Variants in CCSER1 observed in about 807,000 individuals in gnomAD.
The protein encoded by CCSER1 is coiled-coil serine rich protein 1.
In CCSER1, 41 loss-of-function variants were observed where a neutral mutation model predicts 82.0. That is an observed-to-expected ratio of 0.50 (90% CI 0.39 to 0.65). The LOEUF (loss-of-function observed/expected upper bound fraction) is 0.65. Among genes scored for constraint, CCSER1 ranks in the 30% least tolerant of loss-of-function variants. CCSER1 has a pLI of 0.00. For missense variants in CCSER1, 1,119 were observed against 1,064.2 expected (o/e 1.05, Z -0.72); for synonymous variants, 414 against 383.9 (o/e 1.08, Z -0.92).
intron 6 of CCSER1, among the ~76,000 whole-genome samples, chr4:90,697,731 C>T (rs1323834011): frequency 2.0e-5 from 3 of 151,980 alleles, no homozygotes; most frequent in Non-Finnish European, 4.4e-5. Flanking sequence ...TAATAAAAGG[C>T]GTATGAAAGG....
intron 7 of CCSER1, among the ~76,000 whole-genome samples, chr4:90,787,167 T>C (rs1396641677): frequency 1.3e-5 from 2 of 152,222 alleles, no homozygotes; most frequent in African/African-American, 2.4e-5. Context: ...TGGATTTTTA[T>C]GGAAGCATTC....
intron 4 of CCSER1, among the ~76,000 whole-genome samples, chr4:90,444,001 G>A (rs182646765): frequency 2.0e-5 from 3 of 152,088 alleles, no homozygotes; most frequent in Admixed American, 1.3e-4. Flanking sequence ...TAAATATTAT[G>A]TAGGGTGTAG....
intron 10 of CCSER1, among the ~76,000 whole-genome samples, chr4:91,482,072 T>A (rs954833305): frequency 2.6e-5 from 4 of 152,030 alleles, no homozygotes; most frequent in Non-Finnish European, 5.9e-5. Context: ...CATGATGAGA[T>A]ACCATCTCAC....
chr4:90,348,661 AT>A (rs1200295923), intron 3 of CCSER1, among the ~76,000 whole-genome samples: 1 of 152,170 alleles, frequency 6.6e-6, no homozygotes, highest in Admixed American at 6.5e-5. Context: ...ATGTACACTG[AT>A]TAAATGAAAG....
intron 3 of CCSER1, among the ~76,000 whole-genome samples, chr4:90,321,125 A>G (rs903602166): frequency 2.0e-5 from 3 of 152,048 alleles, no homozygotes; most frequent in African/African-American, 4.8e-5. Flanking sequence ...TTTTTTCACT[A>G]TAGTTACCCT....
intron 9 of CCSER1, among the ~76,000 whole-genome samples, chr4:90,958,373 G>A (rs112403364): frequency 8.5e-5 from 13 of 152,266 alleles, no homozygotes; most frequent in African/African-American, 2.4e-4. Flanking sequence ...ATAGCTCTCA[G>A]GTTTCAAACT....
intron 3 of CCSER1, among the ~76,000 whole-genome samples, chr4:90,337,261 A>C (rs796095287): frequency 6.6e-6 from 1 of 152,212 alleles, no homozygotes; most frequent in South Asian, 2.1e-4. Flanking sequence ...TTTGCTCTAC[A>C]TCAGGGCAAG....
intron 10 of CCSER1, among the ~76,000 whole-genome samples, chr4:91,408,509 A>G (rs1752838866): frequency 6.6e-6 from 1 of 152,156 alleles, no homozygotes; most frequent in African/African-American, 2.4e-5. Flanking sequence ...ATCATTTCCT[A>G]TTTTTAATAC....
chr4:90,472,966 C>T (rs1425379976), intron 5 of CCSER1, among the ~76,000 whole-genome samples: 1 of 152,100 alleles, frequency 6.6e-6, no homozygotes, highest in Non-Finnish European at 1.5e-5. Flanking sequence ...ACCACATATC[C>T]ATACGTAATA....
chr4:90,954,864 A>G (rs914728647), intron 9 of CCSER1, among the ~76,000 whole-genome samples: 3 of 152,126 alleles, frequency 2.0e-5, no homozygotes, highest in Non-Finnish European at 4.4e-5. Flanking sequence ...CTCTTCATAC[A>G]TACCCACTTA....
chr4:90,606,384 A>G (rs1448345738), intron 5 of CCSER1, among the ~76,000 whole-genome samples: 1 of 152,192 alleles, frequency 6.6e-6, no homozygotes, highest in Non-Finnish European at 1.5e-5. Context: ...TGTGTACCTA[A>G]ACATCCCTAG....
At chr4:90,332,391 C>T (rs1383585828) in intron 3 of CCSER1, among the ~76,000 whole-genome samples, 1 of 152,010 alleles carries the variant, frequency 6.6e-6, no homozygotes, top group East Asian at 1.9e-4. Flanking sequence ...CGTGCGCTAC[C>T]ACCCTGGGCT....
chr4:91,086,087 T>G, intron 10 of CCSER1, 93 bp downstream of exon 10: 2 of 769,686 alleles, frequency 2.6e-6, no homozygotes, highest in Non-Finnish European at 4.4e-6. Context: ...ATAATTACGT[T>G]GATAATGGAA....
At chr4:90,940,606 C>T (rs980156577) in intron 9 of CCSER1, among the ~76,000 whole-genome samples, 13 of 151,900 alleles carry the variant, frequency 8.6e-5, no homozygotes, top group African/African-American at 2.4e-4. Context: ...TATATTCCAA[C>T]GTGTAAAAAA....
intron 8 of CCSER1, among the ~76,000 whole-genome samples, chr4:90,848,779 C>T (rs1295544290): frequency 6.6e-6 from 1 of 152,124 alleles, no homozygotes; most frequent in Non-Finnish European, 1.5e-5. Flanking sequence ...GTGGTTTCCC[C>T]CATGCTGTTC....
rs572351690 is a variant in CCSER1 at position 91,362,234 on chromosome 4, C to T, written c.2218-236338C>T. Among the ~76,000 whole-genome samples, 15 of 151,886 alleles carry T rather than the reference C, an allele frequency of 9.9e-5. No individual in the cohort carries two copies. In the South Asian group the frequency reaches 2.9e-3, roughly 29 times the overall value. Reference sequence around the variant, plus strand: ...GTTGTTTTCCAGAAACAATTCTTCCCCTTTTTGGTAGTAGTAGATATTTTA... The same window carrying T: ...GTTGTTTTCCAGAAACAATTCTTCCTCTTTTTGGTAGTAGTAGATATTTTA... On this transcript the variant is annotated intron_variant, in intron 10 of 10. Transcript: ENST00000509176.
At chr4:90,636,067 A>G (rs950271934) in intron 6 of CCSER1, among the ~76,000 whole-genome samples, 2 of 151,940 alleles carry the variant, frequency 1.3e-5, no homozygotes, top group African/African-American at 4.8e-5. Flanking sequence ...AAGATTATAG[A>G]AAAATTAAGA....
rs564122482 is a variant in CCSER1, at chr4:91,214,771, C to T, written c.2217+128777C>T. ...CACCTACCACTTGCTATAACAAGGG[C>T]TTATTGGAAAGACTATTTATATATC... is the stretch of plus-strand genomic sequence containing the variant. On this transcript the variant is annotated intron_variant, in intron 10 of 10. Coordinates refer to ENST00000509176, the MANE Select transcript of CCSER1 (RefSeq NM_001145065.2). Among the ~76,000 whole-genome samples the T allele has an allele frequency of 1.1e-3, 167 of 152,146 alleles. 1 individual carries two copies. Among genetic ancestry groups the T allele is most frequent in the African/African-American group, 3.5e-3 (147 of 41,538 alleles).
At chr4:90,189,031 G>A (rs1735140699) in intron 1 of CCSER1, among the ~76,000 whole-genome samples, 1 of 151,912 alleles carries the variant, frequency 6.6e-6, no homozygotes, top group Non-Finnish European at 1.5e-5. Context: ...GCTAGCCCAG[G>A]GGCTTTAGAA....
Sources: allele counts gnomAD v4.1 joint callset (sites outside exome capture counted in the v4.1 genomes callset), GRCh38; gene constraint gnomAD v4.1.1; transcripts MANE v1.5; gene names NCBI Gene and HGNC (gene_info 2026-07-23, HGNC 2026-07-21).